The following GBP7 variants were observed in gnomAD, a reference collection of about 807,000 sequenced individuals.
GBP7 encodes the protein guanylate binding protein 7.
GBP7 carries 43 observed loss-of-function variants against 61.3 expected under a neutral mutation model. The ratio of observed to expected loss-of-function variants is 0.70; its 90% CI spans 0.55 to 0.91. The LOEUF (loss-of-function observed/expected upper bound fraction) is 0.91. GBP7 is among the 40% of genes least tolerant of loss of function. GBP7 has a pLI of 0.00. For missense variants in GBP7, 717 were observed against 740.5 expected (o/e 0.97, Z 0.37); for synonymous variants, 267 against 271.0 (o/e 0.99, Z 0.14).
At chr1:89,147,845 C>A (rs1336153111) in intron 7 of GBP7, 66 bp from the exon 8 acceptor site, 1 of 1,533,870 alleles carries the variant, frequency 6.5e-7, no homozygotes, top group African/African-American at 1.4e-5. Context: ...CAACTGTGAT[C>A]CTCTTGGAAG....
chr1:89,133,497 G>T (rs1159687135), intron 9 of GBP7, 46 bp from the exon 10 acceptor site: 1 of 1,533,776 alleles, frequency 6.5e-7, no homozygotes, highest in Non-Finnish European at 9.0e-7. Flanking sequence ...ACAGTCAGGT[G>T]GGAGAAGAAC....
rs1188750842 is a variant in GBP7, at chr1:89,132,137, A to G, written c.*12T>C. On this transcript the variant is annotated 3_prime_UTR_variant, in exon 11 of 11. Transcript: ENST00000294671. Reference sequence around the variant, plus strand: ...TGAGCAACAGCGTTATACCATTTTAACAAAAGAAACCTCAGCTTATAATTT... The same window carrying G: ...TGAGCAACAGCGTTATACCATTTTAGCAAAAGAAACCTCAGCTTATAATTT... 8 of 1,590,772 alleles carry G rather than the reference A, an allele frequency of 5.0e-6. No homozygotes were observed. The highest frequency in any genetic ancestry group is 1.4e-5 in the African/African-American group (1 of 73,478).
intron 2 of GBP7, among the ~76,000 whole-genome samples, 181 bp downstream of exon 2, chr1:89,171,565 G>A (rs1037602135): frequency 6.6e-6 from 1 of 151,156 alleles, no homozygotes; most frequent in African/African-American, 2.4e-5. Context: ...TAAAGGCAAA[G>A]TGAGAAGAGT....
chr1:89,171,618 G>A, intron 2 of GBP7, 128 bp downstream of exon 2: 1 of 743,836 alleles, frequency 1.3e-6, no homozygotes, highest in South Asian at 3.0e-5. Context: ...AGGGTTCACT[G>A]ATGAATTCAA....
intron 9 of GBP7, among the ~76,000 whole-genome samples, chr1:89,138,087 T>G (rs1557451991): frequency 3.3e-5 from 5 of 152,098 alleles, no homozygotes; most frequent in Admixed American, 2.6e-4. Flanking sequence ...TACCTAGGTT[T>G]ACAGCCAATC....
chr1:89,149,338 T>C lies in GBP7; in HGVS notation c.1106A>G (p.Glu369Gly). The change falls in exon 7 of 11, where the codon GAG becomes GGG. Residue 369 changes from glutamate (E) to glycine (G), a missense_variant. Around this residue, in one of 3 missense-constraint regions of GBP7, gnomAD observed 312 missense variants for 310.1 expected, o/e 1.01. Coordinates refer to ENST00000294671, the MANE Select transcript of GBP7 (RefSeq NM_207398.3). ...CTGGCTTTTATCTTTGAAGGAGTAC[T>C]CCATGAAGACTGCAATGGCTTCCCT... ...CEREAIAVFM[E>G]YSFKDKSQEF... 1 of 1,613,982 alleles carries C rather than the reference T, an allele frequency of 6.2e-7. No homozygotes were observed. The highest frequency in any genetic ancestry group is 8.5e-7 in the Non-Finnish European group (1 of 1,179,930).
intron 3 of GBP7, among the ~76,000 whole-genome samples, chr1:89,156,847 T>A (rs1351620325): frequency 6.6e-6 from 1 of 152,306 alleles, no homozygotes; most frequent in South Asian, 2.1e-4. Context: ...CAGCTCTGCA[T>A]GAAGAGGACC....
intron 3 of GBP7, among the ~76,000 whole-genome samples, chr1:89,158,013 A>G (rs1254347857): frequency 6.6e-6 from 1 of 152,206 alleles, no homozygotes; most frequent in Non-Finnish European, 1.5e-5. Flanking sequence ...TGTATCCACC[A>G]CGATCAAGTT....
At chr1:89,169,758 A>G (rs565670386) in intron 2 of GBP7, among the ~76,000 whole-genome samples, 122 of 152,334 alleles carry the variant, frequency 8.0e-4, no homozygotes, top group African/African-American at 2.8e-3. Flanking sequence ...TGCCATACCC[A>G]AAGACATTTA....
chr1:89,168,929 A>G (rs368110131), intron 2 of GBP7, among the ~76,000 whole-genome samples: 80 of 151,938 alleles, frequency 5.3e-4, no homozygotes, highest in African/African-American at 1.8e-3. Context: ...AGATCTCGCC[A>G]TTGCACTCCA....
rs1336484077 is a variant in GBP7, at chr1:89,175,955, C to G, written c.-54G>C. The stretch of plus-strand genomic sequence containing the variant: ...AGATCCTCTGGACTTGGTAAGAAGG[C>G]AGCTTCAATGAGAAAGTTATGAGTC... On this transcript the variant is annotated 5_prime_UTR_variant, in exon 1 of 11. Coordinates refer to ENST00000294671, the MANE Select transcript of GBP7 (RefSeq NM_207398.3). The G allele has an allele frequency of 6.6e-6, 1 of 152,198 alleles. No homozygotes were observed. Among genetic ancestry groups the G allele is most frequent in the Non-Finnish European group, 1.5e-5 (1 of 68,044 alleles). 9.4% of individuals were successfully genotyped at this position (152,198 alleles called of 1,614,324 possible). A position where few individuals can be genotyped will look rare whatever the true frequency, so the allele number is the denominator to read the frequency against.
intron 9 of GBP7, among the ~76,000 whole-genome samples, chr1:89,138,066 C>G (rs534064012): frequency 6.6e-6 from 1 of 151,252 alleles, no homozygotes; most frequent in African/African-American, 2.4e-5. Flanking sequence ...TGTGAATAAC[C>G]AAGAATAAAA....
intron 9 of GBP7, among the ~76,000 whole-genome samples, chr1:89,138,324 GAAC>G (rs144556477): frequency 0.044 from 6,753 of 151,818 alleles, 472 homozygotes; most frequent in African/African-American, 0.15. Flanking sequence ...CATCCACATG[GAAC>G]AACAACAACA....
At position 89,152,651 on chromosome 1, in the gene GBP7, A is replaced by G; in HGVS notation, c.428+17T>C. On this transcript the variant is annotated intron_variant, in intron 4 of 10. Coordinates refer to ENST00000294671, the MANE Select transcript of GBP7 (RefSeq NM_207398.3). ...TAAACTCCATAAAACCTGGCTCTTC[A>G]CTTCCTGGAAGGATACTGCAGCTGC... is the stretch of plus-strand genomic sequence containing the variant. 2 of 1,607,084 alleles carry G rather than the reference A, an allele frequency of 1.2e-6. No individual in the cohort carries two copies. The highest frequency in any genetic ancestry group is 1.7e-6 in the Non-Finnish European group (2 of 1,177,092).
At position 89,150,559 on chromosome 1, in the gene GBP7, G is replaced by A; in HGVS notation, c.642C>T (p.Ile214=). Residue 214 remains isoleucine, a synonymous_variant, in exon 6 of 11, where the codon ATC becomes ATT. Transcript: ENST00000294671. ...ACTCCCTGGGCTTGTTAGAATTTTG[G>A]ATTTGGGGATTCTTGCCTGCAGAAT... is the stretch of plus-strand genomic sequence containing the variant. ...LKLISGKNPQ[I]QNSNKPREWI... The A allele has an allele frequency of 6.2e-7, 1 of 1,613,624 alleles. No homozygotes were observed. The highest frequency in any genetic ancestry group is 8.5e-7 in the Non-Finnish European group (1 of 1,179,652).
At chr1:89,152,645 C>T (rs764900753) in intron 4 of GBP7, 23 bp downstream of exon 4, 15 of 1,603,746 alleles carry the variant, frequency 9.4e-6, no homozygotes, top group Non-Finnish European at 1.3e-5. Flanking sequence ...TAAAACCTGG[C>T]TCTTCACTTC....
intron 3 of GBP7, among the ~76,000 whole-genome samples, chr1:89,155,332 A>G (rs1294717913): frequency 1.3e-5 from 2 of 152,224 alleles, no homozygotes; most frequent in African/African-American, 2.4e-5. Flanking sequence ...CCAGCAATGG[A>G]ACAAAGCTGG....
At chr1:89,152,501 C>G (rs377522304) in intron 4 of GBP7, 37 bp from the exon 5 acceptor site, 4 of 1,587,628 alleles carry the variant, frequency 2.5e-6, no homozygotes, top group Non-Finnish European at 3.5e-6. Flanking sequence ...CACCCTACAC[C>G]ATCATTTCCA....
At chr1:89,140,435 T>G (rs1681909331) in intron 9 of GBP7, among the ~76,000 whole-genome samples, 1 of 124,170 alleles carries the variant, frequency 8.1e-6, no homozygotes. Context: ...AAACTTAAAG[T>G]ATAATAATAA....
Sources: allele counts gnomAD v4.1 joint callset (sites outside exome capture counted in the v4.1 genomes callset), GRCh38; gene constraint gnomAD v4.1.1; regional missense constraint gnomAD v4.1.1; transcripts MANE v1.5; gene names NCBI Gene and HGNC (gene_info 2026-07-23, HGNC 2026-07-21).